Variants in SCAPER observed in about 807,000 individuals in gnomAD.
The protein encoded by SCAPER is S phase cyclin A-associated protein in the endoplasmic reticulum.
Under a neutral mutation model 182.2 loss-of-function variants are expected in SCAPER, and 98 were observed. The ratio of observed to expected loss-of-function variants is 0.54; its 90% confidence interval spans 0.46 to 0.64. The LOEUF (loss-of-function observed/expected upper bound fraction) is 0.64. Among genes scored for constraint, SCAPER ranks in the 30% least tolerant of loss-of-function variants. The pLI, the probability that SCAPER is intolerant of heterozygous loss-of-function variation, is 0.00. For synonymous variants in SCAPER, 605 were observed against 564.6 expected, an observed-to-expected ratio of 1.07 and a Z score of -1.01; for missense variants, 1,432 against 1,690.0, an observed-to-expected ratio of 0.85 and a Z score of 2.68.
chr15:76,369,695 G>A (rs888600358), intron 29 of SCAPER, among the ~76,000 whole-genome samples: 2 of 152,210 alleles, frequency 1.3e-5, no homozygotes, highest in Admixed American at 6.5e-5. Flanking sequence ...AGTAGAAAGG[G>A]AATTTAATAG....
chr15:76,532,954 A>G lies in SCAPER; in HGVS notation c.2839-27980T>C, dbSNP rs142124278. On this transcript the variant is annotated intron_variant, in intron 23 of 31. Transcript: ENST00000563290. ...CTTATTTAGCCCTACTATATGCAGA[A>G]CACTGCTTTGCACTAGTGACACAGG... Among the ~76,000 whole-genome samples, 40 of 152,358 alleles carry G rather than the reference A, an allele frequency of 2.6e-4. 1 individual carries two copies. In the East Asian group the frequency reaches 7.7e-3, roughly 29 times the overall value.
intron 22 of SCAPER, among the ~76,000 whole-genome samples, chr15:76,617,874 ACTT>A (rs2051638757): frequency 6.6e-6 from 1 of 152,196 alleles, no homozygotes; most frequent in African/African-American, 2.4e-5. Flanking sequence ...AAATGGCTCA[ACTT>A]CTTCTGGCCA....
At chr15:76,685,615 G>T (rs559409948) in intron 20 of SCAPER, among the ~76,000 whole-genome samples, 39 of 152,166 alleles carry the variant, frequency 2.6e-4, no homozygotes, top group African/African-American at 8.9e-4. Flanking sequence ...CAAATAAGAA[G>T]AATATCAGGA....
intron 23 of SCAPER, among the ~76,000 whole-genome samples, chr15:76,528,809 C>T (rs1432086195): frequency 6.6e-6 from 1 of 152,182 alleles, no homozygotes; most frequent in Non-Finnish European, 1.5e-5. Context: ...TCATCACTAA[C>T]CAGTCCCTGA....
At chr15:76,758,821 G>A (rs1014682275) in intron 14 of SCAPER, among the ~76,000 whole-genome samples, 8 of 152,010 alleles carry the variant, frequency 5.3e-5, no homozygotes, top group African/African-American at 1.9e-4. Context: ...TAATTCCTAA[G>A]TATTTTATTC....
At chr15:76,804,481 T>C in intron 6 of SCAPER, 52 bp downstream of exon 6, 1 of 1,195,326 alleles carries the variant, frequency 8.4e-7, no homozygotes, top group Non-Finnish European at 1.2e-6. Context: ...TTTCAGTGAT[T>C]GCTATTGAAA....
intron 22 of SCAPER, among the ~76,000 whole-genome samples, chr15:76,619,806 G>A (rs1165507552): frequency 1.3e-5 from 2 of 152,082 alleles, no homozygotes; most frequent in Admixed American, 6.5e-5. Flanking sequence ...GGTCGGGCAC[G>A]ATGGCTCATG....
chr15:76,785,605 TAGAAA>T, intron 8 of SCAPER, among the ~76,000 whole-genome samples: 2 of 152,288 alleles, frequency 1.3e-5, no homozygotes, highest in East Asian at 3.9e-4. Context: ...CTATTCACAA[TAGAAA>T]AGACTTGGAA....
At position 76,743,541 on chromosome 15, in the gene SCAPER, C is replaced by A. The variant is rs77147098; in HGVS notation, c.1867-10157G>T. Among the ~76,000 whole-genome samples, 12 of 151,986 alleles carry A rather than the reference C, an allele frequency of 7.9e-5. No individual in the cohort carries two copies. The East Asian group carries it at 2.3e-3, about 29-fold the overall frequency. On this transcript the variant is annotated intron_variant, in intron 15 of 31. Transcript: ENST00000563290. Reference sequence around the variant, plus strand: ...AAACAGTCAAATCAAGAACACAATACCATACAAAATAGCCAAAGAAAATGG... The same window carrying A: ...AAACAGTCAAATCAAGAACACAATAACATACAAAATAGCCAAAGAAAATGG...
chr15:76,767,007 T>C lies in SCAPER; in HGVS notation c.1330A>G (p.Ile444Val), dbSNP rs2063156185. Residue 444 changes from isoleucine (I) to valine (V), a missense_variant, in exon 11 of 32, where the codon ATT becomes GTT. Transcript: ENST00000563290. The part of the protein sequence containing the change: ...KANEEAIASA[I>V]AEEEQLTREI... ...CTAGTTAACTGTTCTTCTTCAGCAA[T>C]AGCACTAGCAATGGCTTCTTCATTG... 6.2e-7 allele frequency: 1 copy of C among 1,606,900 alleles called. No individual in the cohort carries two copies. The highest frequency in any genetic ancestry group is 8.5e-7 in the Non-Finnish European group (1 of 1,176,046).
At chr15:76,480,572 G>C (rs886809149) in intron 24 of SCAPER, among the ~76,000 whole-genome samples, 1 of 152,210 alleles carries the variant, frequency 6.6e-6, no homozygotes, top group Non-Finnish European at 1.5e-5. Context: ...CAAGATCCTT[G>C]TCTCATTCAT....
intron 17 of SCAPER, among the ~76,000 whole-genome samples, chr15:76,728,214 A>AT (rs1476387033): frequency 2.1e-5 from 3 of 145,802 alleles, no homozygotes; most frequent in Non-Finnish European, 4.5e-5. Context: ...GACTATTTCC[A>AT]TCAAAAAAAA....
chr15:76,483,399 T>C lies in SCAPER; in HGVS notation c.2955-12064A>G, dbSNP rs571180111. Among the ~76,000 whole-genome samples, 37 of 152,110 alleles carry C rather than the reference T, an allele frequency of 2.4e-4. No homozygotes were observed. The South Asian group carries it at 7.5e-3, about 31-fold the overall frequency. ...GTAAATCATAAAACCTTAAAACTTC[T>C]AGAGAATACAAAGGAGAAACTCAAA... On this transcript the variant is annotated intron_variant, in intron 24 of 31. Coordinates refer to ENST00000563290, the MANE Select transcript of SCAPER (RefSeq NM_020843.4).
At position 76,609,274 on chromosome 15, in the gene SCAPER, G is replaced by T. The variant is rs369374810; in HGVS notation, c.2711+12490C>A. Among the ~76,000 whole-genome samples the T allele has an allele frequency of 2.8e-4, 43 of 151,782 alleles. No homozygotes were observed. The East Asian group carries it at 7.6e-3, about 27-fold the overall frequency. ...GGCTGAGGCAAGAGGACTGCTTGAG[G>T]CCAGGAGCTCAAGATCAGCCTGGGC... On this transcript the variant is annotated intron_variant, in intron 22 of 31. Transcript: ENST00000563290.
At chr15:76,878,209 A>C (rs987495035) in intron 2 of SCAPER, among the ~76,000 whole-genome samples, 8 of 151,916 alleles carry the variant, frequency 5.3e-5, no homozygotes, top group Admixed American at 6.6e-5. Flanking sequence ...ATATGGATAT[A>C]TATCATATAT....
chr15:76,515,742 C>A (rs147502909), intron 23 of SCAPER, among the ~76,000 whole-genome samples: 1 of 152,090 alleles, frequency 6.6e-6, no homozygotes, highest in Non-Finnish European at 1.5e-5. Flanking sequence ...AACTAGATTG[C>A]GAGGTCTCTA....
chr15:76,795,958 G>C (rs1334317593), intron 7 of SCAPER, among the ~76,000 whole-genome samples: 1 of 152,132 alleles, frequency 6.6e-6, no homozygotes, highest in Admixed American at 6.5e-5. Flanking sequence ...CTACTCGAGA[G>C]ACTGAGGCAT....
At chr15:76,831,497 A>G (rs1248179517) in intron 5 of SCAPER, among the ~76,000 whole-genome samples, 1 of 150,476 alleles carries the variant, frequency 6.6e-6, no homozygotes, top group East Asian at 2.0e-4. Context: ...ACCACTATGC[A>G]CATCCACAGG....
At chr15:76,899,266 G>A (rs1268854936) in intron 1 of SCAPER, among the ~76,000 whole-genome samples, 1 of 152,210 alleles carries the variant, frequency 6.6e-6, no homozygotes, top group Admixed American at 6.5e-5. Flanking sequence ...TCAGGCTCCG[G>A]TGATTCTCCT....
Sources: allele counts gnomAD v4.1 joint callset (sites outside exome capture counted in the v4.1 genomes callset), GRCh38; gene constraint gnomAD v4.1.1; transcripts MANE v1.5; gene names NCBI Gene and HGNC (gene_info 2026-07-23, HGNC 2026-07-21).